Variants in KANSL3 observed in about 807,000 individuals in gnomAD.
KANSL3 encodes the protein NSL complex protein NSL3.
In KANSL3, 16 loss-of-function variants were observed where a neutral mutation model predicts 89.2. The ratio of observed to expected loss-of-function variants is 0.18; its 90% confidence interval spans 0.12 to 0.27. KANSL3 has a LOEUF of 0.27. KANSL3 is among the 10% of genes least tolerant of loss of function. The probability of loss-of-function intolerance (pLI) is 1.00; values close to 1 mark genes in which losing one functional copy is unlikely to be tolerated. For synonymous variants in KANSL3, 385 were observed against 419.7 expected (o/e 0.92, Z 1.01); for missense variants, 879 against 1,110.6 (o/e 0.79, Z 2.96).
intron 5 of KANSL3, among the ~76,000 whole-genome samples, chr2:96,615,981 A>G (rs1446214090): frequency 2.0e-5 from 3 of 152,254 alleles, no homozygotes; most frequent in Non-Finnish European, 4.4e-5. Context: ...TTTCATCTAA[A>G]GATACAGCAT....
chr2:96,586,716 G>T, the KANSL3 span, among the ~76,000 whole-genome samples: 7 of 152,158 alleles, frequency 4.6e-5, no homozygotes, highest in Non-Finnish European at 8.8e-5. Flanking sequence ...AGGCTTCAAC[G>T]CCTGGCCTTA....
chr2:96,588,695 A>G (rs1282465640), downstream of KANSL3, among the ~76,000 whole-genome samples: 1 of 152,002 alleles, frequency 6.6e-6, no homozygotes, highest in African/African-American at 2.4e-5. Flanking sequence ...GGTTCAAGCA[A>G]TTCTCGTGCC....
downstream of KANSL3, among the ~76,000 whole-genome samples, chr2:96,588,366 C>G (rs1265550949): frequency 2.0e-5 from 3 of 152,186 alleles, no homozygotes; most frequent in Non-Finnish European, 4.4e-5. Flanking sequence ...GTGGTCAACA[C>G]AGAATTTATC....
intron 3 of KANSL3, chr2:96,627,824 A>T: frequency 1.0e-6 from 1 of 979,710 alleles, no homozygotes; most frequent in Non-Finnish European, 1.4e-6. Flanking sequence ...CAAACAGGCT[A>T]CAGATTCAGG....
intron 13 of KANSL3, 48 bp downstream of exon 13, chr2:96,608,816 T>C: frequency 1.3e-6 from 2 of 1,518,572 alleles, no homozygotes; most frequent in Non-Finnish European, 1.8e-6. Context: ...GAACCAACTC[T>C]GTGGTGCTGA....
At chr2:96,622,280 G>A (rs1049260819) in intron 3 of KANSL3, among the ~76,000 whole-genome samples, 2 of 152,076 alleles carry the variant, frequency 1.3e-5, no homozygotes, top group Non-Finnish European at 2.9e-5. Context: ...AAATTAGCCA[G>A]GCATAGTGGC....
chr2:96,629,311 A>C (rs1354785505), intron 3 of KANSL3, among the ~76,000 whole-genome samples: 1 of 152,100 alleles, frequency 6.6e-6, no homozygotes. Flanking sequence ...CTTTATCTGA[A>C]GCTCAAAAGA....
chr2:96,608,393 G>C (rs936409751), intron 14 of KANSL3, 115 bp downstream of exon 14: 2 of 992,120 alleles, frequency 2.0e-6, no homozygotes, highest in Non-Finnish European at 3.0e-6. Flanking sequence ...ATGTGAGAAA[G>C]GGCGCCTCTC....
intron 20 of KANSL3, chr2:96,598,203 C>T (rs1319614691): frequency 2.4e-6 from 2 of 846,562 alleles, no homozygotes; most frequent in Non-Finnish European, 1.4e-6. Context: ...CTTCTATCAA[C>T]CCATCAAGGA....
At chr2:96,612,391 C>A in intron 8 of KANSL3, 38 bp from the exon 9 acceptor site, 1 of 1,605,800 alleles carries the variant, frequency 6.2e-7, no homozygotes, top group South Asian at 1.1e-5. Flanking sequence ...AGACAGGAGG[C>A]CAAAGATAGG....
At position 96,619,394 on chromosome 2, in the gene KANSL3, C is replaced by G. The variant is rs753932741; in HGVS notation, c.628G>C (p.Ala210Pro). 6.2e-7 allele frequency: 1 copy of G among 1,613,394 alleles called. No homozygotes were observed. The highest frequency in any genetic ancestry group is 1.7e-5 in the Admixed American group (1 of 59,960). Residue 210 changes from alanine (A) to proline (P), a missense_variant, in exon 5 of 21, where the codon GCC (alanine) becomes CCC (proline). Around this residue, in one of 6 missense-constraint regions of KANSL3, gnomAD observed 210 missense variants for 311.9 expected, o/e 0.67. Coordinates refer to ENST00000431828, the MANE Select transcript of KANSL3 (RefSeq NM_001115016.3). The stretch of plus-strand genomic sequence containing the variant: ...AGCGTCTGCAAAGCATCCAGGTAGG[C>G]TGCCAGCATGGGCAGACTCAAGGTC... ...VETLSLPMLA[A>P]YLDALQTLKG...
chr2:96,615,444 T>C, intron 5 of KANSL3: 4 of 1,017,694 alleles, frequency 3.9e-6, no homozygotes, highest in Non-Finnish European at 4.0e-6. Flanking sequence ...ACCAGAAATG[T>C]GACATTACAG....
chr2:96,618,792 T>C (rs980219317), intron 5 of KANSL3, among the ~76,000 whole-genome samples: 3 of 152,248 alleles, frequency 2.0e-5, no homozygotes, highest in African/African-American at 7.2e-5. Flanking sequence ...TTCTACCACA[T>C]TGACGATAGC....
At chr2:96,586,426 TAAGA>T in the KANSL3 span, among the ~76,000 whole-genome samples, 2 of 152,084 alleles carry the variant, frequency 1.3e-5, no homozygotes, top group South Asian at 2.1e-4. Flanking sequence ...AATTTAAAAA[TAAGA>T]AAGATTTTCT....
chr2:96,595,520 T>G lies in KANSL3; in HGVS notation c.*91A>C, dbSNP rs552282945. ...TGTCTTAAACAGGTCTTCCGACACGTGGACAGCTCAGCAGGACCACACACC... is the reference window on the plus strand; with the variant it reads ...TGTCTTAAACAGGTCTTCCGACACGGGGACAGCTCAGCAGGACCACACACC... On this transcript the variant is annotated 3_prime_UTR_variant, in exon 21 of 21. Transcript: ENST00000431828. 6 of 1,424,858 alleles carry G rather than the reference T, an allele frequency of 4.2e-6. No homozygotes were observed. In the Admixed American group the frequency reaches 7.5e-5, roughly 18 times the overall value. 88.3% of individuals were successfully genotyped at this position (1,424,858 alleles called of 1,614,324 possible).
chr2:96,614,789 A>G (rs2069668505), intron 5 of KANSL3, among the ~76,000 whole-genome samples: 1 of 151,286 alleles, frequency 6.6e-6, no homozygotes. Flanking sequence ...AAAAAAAAAA[A>G]AAAGAAAGAA....
Position 96,612,539 on chromosome 2 carries a change from G to A in KANSL3, c.937C>T (p.Leu313=). Residue 313 remains leucine (L), a synonymous_variant, in exon 8 of 21, where the codon CTG becomes TTG. Coordinates refer to ENST00000431828, the MANE Select transcript of KANSL3 (RefSeq NM_001115016.3). ...ACTCCTACCCCACTGCCATTGTTCAGCAGATGGGTGGCTACAGGGATGACC... is the reference window on the plus strand; with the variant it reads ...ACTCCTACCCCACTGCCATTGTTCAACAGATGGGTGGCTACAGGGATGACC... The part of the protein sequence containing the change: ...GKVIPVATHL[L]NNGSGVGVLQ... The A allele has an allele frequency of 6.2e-7, 1 of 1,613,928 alleles. No individual in the cohort carries two copies. The highest frequency in any genetic ancestry group is 1.1e-5 in the South Asian group (1 of 91,084).
At chr2:96,623,102 C>T (rs2071610516) in intron 3 of KANSL3, among the ~76,000 whole-genome samples, 1 of 152,178 alleles carries the variant, frequency 6.6e-6, no homozygotes, top group African/African-American at 2.4e-5. Flanking sequence ...GTTTTAAGTG[C>T]TATATCCCCA....
chr2:96,599,614 A>G (rs115568896), intron 20 of KANSL3: 4,194 of 178,356 alleles, frequency 0.024, 64 homozygotes, highest in Non-Finnish European at 0.037. Flanking sequence ...CTGACATTCA[A>G]TGAATGCTTC....
Sources: gnomAD v4.1 joint callset for allele counts (sites outside exome capture counted in the v4.1 genomes callset) on GRCh38, gnomAD v4.1.1 for gene constraint, gnomAD v4.1.1 regional missense constraint, MANE v1.5 for transcripts, NCBI Gene and HGNC (gene_info 2026-07-23, HGNC 2026-07-21) for gene names.